KRT23: variants seen among roughly 807,000 people sequenced by gnomAD.
The protein encoded by KRT23 is keratin 23, also known as keratin, type I cytoskeletal 23.
Under a neutral mutation model 47.6 loss-of-function variants are expected in KRT23, and 38 were observed. That is an observed-to-expected ratio of 0.80 (90% CI 0.62 to 1.05). The LOEUF (loss-of-function observed/expected upper bound fraction) is 1.05, where lower values mean the gene tolerates loss of function less well. KRT23 is among the 50% of genes least tolerant of loss of function. The pLI is 0.00. For missense variants in KRT23, 503 were observed against 529.5 expected, an observed-to-expected ratio of 0.95 and a Z score of 0.49; for synonymous variants, 191 against 199.0, an observed-to-expected ratio of 0.96 and a Z score of 0.34.
At chr17:40,931,500 A>G (rs1337589981) in intron 2 of KRT23, 45 bp from the exon 3 acceptor site, 1 of 1,383,084 alleles carries the variant, frequency 7.2e-7, no homozygotes, top group Admixed American at 1.7e-5. Context: ...TCACTTGGAC[A>G]CACCCACACA....
chr17:40,934,202 G>A (rs921089587), intron 2 of KRT23, among the ~76,000 whole-genome samples: 8 of 152,142 alleles, frequency 5.3e-5, no homozygotes, highest in African/African-American at 1.9e-4. Flanking sequence ...AGGTAATTGT[G>A]GGACCTCCTT....
At chr17:40,928,020 T>G (rs1387287844) in intron 6 of KRT23, among the ~76,000 whole-genome samples, 1 of 152,150 alleles carries the variant, frequency 6.6e-6, no homozygotes, top group East Asian at 1.9e-4. Flanking sequence ...ATTAATGACA[T>G]TTAATATCAT....
intron 7 of KRT23, chr17:40,925,067 G>T: frequency 3.4e-5 from 13 of 382,246 alleles, no homozygotes; most frequent in Middle Eastern, 6.9e-4. Flanking sequence ...AGCCAAAATT[G>T]TGTGCATTCC....
At chr17:40,928,110 ATT>A (rs2143457033) in intron 6 of KRT23, 126 bp downstream of exon 6, 1 of 1,189,522 alleles carries the variant, frequency 8.4e-7, no homozygotes, top group Non-Finnish European at 1.2e-6. Flanking sequence ...ATCATAAACA[ATT>A]TGGATGGAAA....
At chr17:40,927,520 G>A (rs772971196) in intron 6 of KRT23, among the ~76,000 whole-genome samples, 1 of 152,168 alleles carries the variant, frequency 6.6e-6, no homozygotes, top group Admixed American at 6.5e-5. Context: ...TCAAGACTGA[G>A]GGTAGAATCG....
rs1172418941 is a variant in KRT23 at position 40,928,237 on chromosome 17, C to G, written c.921+1G>C. The G allele has an allele frequency of 3.7e-6, 6 of 1,613,846 alleles. No homozygotes were observed. The highest frequency in any genetic ancestry group is 5.1e-6 in the Non-Finnish European group (6 of 1,179,910). On this transcript the variant is annotated splice_donor_variant, in intron 6 of 8. Coordinates refer to ENST00000209718, the MANE Select transcript of KRT23 (RefSeq NM_015515.5). LOFTEE classifies it high-confidence loss of function. ...TCACGGTTTTCCTAGCCTTGACTCA[C>G]CGTGCTGTACTGTGTCTGCAGGTCA...
At chr17:40,924,350 GACCCAGGACATTTTGA>G in intron 8 of KRT23, 106 bp downstream of exon 8, 1 of 721,278 alleles carries the variant, frequency 1.4e-6, no homozygotes, top group Non-Finnish European at 2.4e-6. Context: ...GAAGATTCCT[GACCCAGGACATTTTGA>G]ACCCAGGACA....
At chr17:40,935,938 C>G (rs563879543) in intron 2 of KRT23, among the ~76,000 whole-genome samples, 1 of 152,326 alleles carries the variant, frequency 6.6e-6, no homozygotes, top group African/African-American at 2.4e-5. Context: ...TCAGTAGTCT[C>G]ATTTTTGAAA....
chr17:40,922,942 C>G lies in KRT23; in HGVS notation c.*47G>C, dbSNP rs1165882341. The G allele has an allele frequency of 1.4e-6, 2 of 1,402,334 alleles. No homozygotes were observed. The highest frequency in any genetic ancestry group is 2.0e-6 in the Non-Finnish European group (2 of 987,850). The allele number at this position is 1,402,334 out of a possible 1,614,324, so 86.9% of individuals were successfully genotyped here. On this transcript the variant is annotated 3_prime_UTR_variant, in exon 9 of 9. Coordinates refer to ENST00000209718, the MANE Select transcript of KRT23 (RefSeq NM_015515.5). ...TCACTGGTGTCTGTGCAAGGACTTT[C>G]CTTGGGGGAAAATAGATTTTACAAC...
chr17:40,936,789 G>A lies in KRT23; in HGVS notation c.-186C>T. ...GTTTCCTCTTGGTCAATCCCAAAGT[G>A]CCCCTGGGCCTTCGCACACTGTTGT... On this transcript the variant is annotated 5_prime_UTR_variant, in exon 2 of 9. Transcript: ENST00000209718. The A allele has an allele frequency of 2.1e-6, 1 of 482,702 alleles. No individual in the cohort carries two copies. Among genetic ancestry groups the A allele is most frequent in the Non-Finnish European group, 3.5e-6 (1 of 286,848 alleles). The allele number at this position is 482,702 out of a possible 1,614,324, so 29.9% of individuals were successfully genotyped here. A position where few individuals can be genotyped will look rare whatever the true frequency, so the allele number is the denominator to read the frequency against.
chr17:40,927,678 G>C (rs1567794776), intron 6 of KRT23, among the ~76,000 whole-genome samples: 1 of 152,114 alleles, frequency 6.6e-6, no homozygotes, highest in Non-Finnish European at 1.5e-5. Flanking sequence ...TTGGACACAA[G>C]AACTTAGAGT....
Position 40,936,508 on chromosome 17 carries a change from G to A in KRT23, c.96C>T (p.Pro32=), listed in dbSNP as rs1320160569. ...CTCCCCCCGCACCGCCATGGACGGT[G>A]GGAGCCCTGGGGAAGCTCCTGGGCC... is the stretch of plus-strand genomic sequence containing the variant. ...WGRPRSFPRA[P]TVHGGAGGAR... The change falls in exon 2 of 9, where the codon CCC becomes CCT. Residue 32 remains proline, a synonymous_variant. Transcript: ENST00000209718. The A allele has an allele frequency of 3.3e-6, 5 of 1,530,604 alleles. No homozygotes were observed. The highest frequency in any genetic ancestry group is 4.4e-6 in the Non-Finnish European group (5 of 1,141,708). 94.8% of individuals were successfully genotyped at this position (1,530,604 alleles called of 1,614,324 possible). A position where few individuals can be genotyped will look rare whatever the true frequency, so the allele number is the denominator to read the frequency against.
At position 40,936,313 on chromosome 17, in the gene KRT23, G is replaced by T. The variant is rs1429077117; in HGVS notation, c.291C>A (p.Asn97Lys). The T allele has an allele frequency of 1.2e-6, 2 of 1,614,090 alleles. No homozygotes were observed. Among genetic ancestry groups the T allele is most frequent in the African/African-American group, 2.7e-5 (2 of 74,922 alleles). ...TCAGGATGCGGCTTTCCAGCTTCATGTTGGCCTCCTCCAGGGCGCGAACCT... is the reference window on the plus strand; with the variant it reads ...TCAGGATGCGGCTTTCCAGCTTCATTTTGGCCTCCTCCAGGGCGCGAACCT... ...LEKVRALEEA[N>K]MKLESRILKW... Residue 97 changes from asparagine (N) to lysine (K), a missense_variant, in exon 2 of 9, where the codon AAC becomes AAA. Asn to Lys is a moderately conservative substitution (Grantham distance 94, BLOSUM62 0). Coordinates refer to ENST00000209718, the MANE Select transcript of KRT23 (RefSeq NM_015515.5).
chr17:40,929,446 T>C (rs563075682), intron 4 of KRT23, among the ~76,000 whole-genome samples: 1 of 152,268 alleles, frequency 6.6e-6, no homozygotes, highest in Non-Finnish European at 1.5e-5. Context: ...AAATGGGAAC[T>C]GTTTTTCTAT....
Position 40,928,528 on chromosome 17 carries a change from T to C in KRT23, c.716A>G (p.Lys239Arg), listed in dbSNP as rs1212339533. The C allele has an allele frequency of 6.2e-7, 1 of 1,614,100 alleles. No homozygotes were observed. The highest frequency in any genetic ancestry group is 8.5e-7 in the Non-Finnish European group (1 of 1,179,978). The part of the protein sequence containing the change: ...VDTGPREDLI[K>R]VLEDMRQEYE... ...TTCTTGTCTCATATCCTCCAGGACC[T>C]TAATCAGATCTTCCCTGGGACCTGT... is the stretch of plus-strand genomic sequence containing the variant. Residue 239 changes from lysine to arginine, a missense_variant, in exon 5 of 9, where the codon AAG becomes AGG. Physicochemically the swap from Lys to Arg is conservative, Grantham distance 26 (BLOSUM62 2). Coordinates refer to ENST00000209718, the MANE Select transcript of KRT23 (RefSeq NM_015515.5).
At chr17:40,924,940 T>G (rs1444594816) in intron 7 of KRT23, among the ~76,000 whole-genome samples, 1 of 152,124 alleles carries the variant, frequency 6.6e-6, no homozygotes, top group Non-Finnish European at 1.5e-5. Flanking sequence ...TGTTATTTCC[T>G]GGGGTGGCCA....
intron 8 of KRT23, among the ~76,000 whole-genome samples, chr17:40,924,200 G>T (rs75896129): frequency 2.6e-5 from 4 of 152,122 alleles, no homozygotes; most frequent in Non-Finnish European, 4.4e-5. Context: ...TTTTCTAGGG[G>T]TTTAGTAAAC....
Position 40,928,554 on chromosome 17 carries a change from A to G in KRT23, c.690T>C (p.Asp230=), listed in dbSNP as rs188613400. ...PSDFNVNVKV[D]TGPREDLIKV... is the part of the protein sequence containing the mutation. ...TAATCAGATCTTCCCTGGGACCTGT[A>G]TCCACCTTCACATTGACATTGAAGT... The change falls in exon 5 of 9, where the codon GAT becomes GAC. Residue 230 remains aspartate, a synonymous_variant. Transcript: ENST00000209718. 6.2e-7 allele frequency: 1 copy of G among 1,613,988 alleles called. No individual in the cohort carries two copies. The highest frequency in any genetic ancestry group is 1.7e-5 in the Admixed American group (1 of 60,024).
Position 40,922,994 on chromosome 17 carries a change from C to T in KRT23, c.1264G>A (p.Ala422Thr), listed in dbSNP as rs769236996. 2.0e-5 allele frequency: 33 copies of T among 1,611,596 alleles called. No homozygotes were observed. Among genetic ancestry groups the T allele is most frequent in the Non-Finnish European group, 1.5e-5 (18 of 1,177,882 alleles). ...GGCGGAAACTTTCATTGGTCTCATG[C>T]GTGCTTTTGGATTTCATTCACTTGA... ...LCQVNEIQKHA is the reference protein window; with the variant it reads ...LCQVNEIQKHT Residue 422 changes from alanine to threonine, a missense_variant, in exon 9 of 9, where the codon GCA becomes ACA. Physicochemically the swap from Ala to Thr is moderately conservative, Grantham distance 58. Transcript: ENST00000209718.
Sources: gnomAD v4.1 joint callset for allele counts (sites outside exome capture counted in the v4.1 genomes callset) on GRCh38, gnomAD v4.1.1 for gene constraint, MANE v1.5 for transcripts, NCBI Gene and HGNC (gene_info 2026-07-23, HGNC 2026-07-21) for gene names.